The following ARMC2 variants were observed in gnomAD, a reference collection of about 807,000 sequenced individuals.
The protein encoded by ARMC2 is armadillo repeat-containing protein 2.
In ARMC2, 67 loss-of-function variants were observed where a neutral mutation model predicts 90.3. The ratio of observed to expected loss-of-function variants is 0.74; its 90% CI spans 0.61 to 0.91. ARMC2 has a LOEUF of 0.91. ARMC2 is among the 40% of genes least tolerant of loss of function. The probability of loss-of-function intolerance (pLI) is 0.00; values close to 1 mark genes in which losing one functional copy is unlikely to be tolerated. For missense variants in ARMC2, 920 were observed against 1,030.9 expected (o/e 0.89, Z 1.47); for synonymous variants, 393 against 393.0 (o/e 1.00, Z 0.00).
intron 5 of ARMC2, among the ~76,000 whole-genome samples, chr6:108,890,749 C>G (rs1770930022): frequency 6.6e-6 from 1 of 152,056 alleles, no homozygotes; most frequent in African/African-American, 2.4e-5. Flanking sequence ...TTTTTTATTT[C>G]TAACATTATT....
chr6:108,909,990 C>T (rs930286580), intron 8 of ARMC2, among the ~76,000 whole-genome samples: 2 of 151,930 alleles, frequency 1.3e-5, no homozygotes, highest in Non-Finnish European at 2.9e-5. Context: ...AACTTTCCCC[C>T]TTTCTTTTCT....
At chr6:109,034,607 T>C in the ARMC2 span, among the ~76,000 whole-genome samples, 2 of 152,212 alleles carry the variant, frequency 1.3e-5, no homozygotes, top group Admixed American at 6.5e-5. Context: ...ATGAAGACCA[T>C]ATTATCCAGC....
the ARMC2 span, among the ~76,000 whole-genome samples, chr6:109,045,557 C>CT: frequency 1.3e-5 from 2 of 152,186 alleles, no homozygotes. Flanking sequence ...TGGTTCTGTA[C>CT]TTTTGCACAT....
At chr6:108,995,652 A>C in the ARMC2 span, among the ~76,000 whole-genome samples, 2 of 152,196 alleles carry the variant, frequency 1.3e-5, no homozygotes, top group African/African-American at 4.8e-5. Context: ...CTAGTGGCTC[A>C]TGCCTGTAAT....
chr6:108,922,820 C>T (rs1473465659), intron 10 of ARMC2, among the ~76,000 whole-genome samples: 6 of 152,134 alleles, frequency 3.9e-5, no homozygotes, highest in African/African-American at 7.2e-5. Flanking sequence ...AAAGTGAGCA[C>T]CAGAAAGTTG....
At chr6:108,885,588 C>A (rs9384692) in intron 5 of ARMC2, among the ~76,000 whole-genome samples, 1 of 151,590 alleles carries the variant, frequency 6.6e-6, no homozygotes, top group Admixed American at 6.6e-5. Context: ...GCAGGAGAAT[C>A]GCTTGAACCC....
At chr6:108,935,858 G>T (rs72933394) in intron 11 of ARMC2, among the ~76,000 whole-genome samples, 3 of 151,152 alleles carry the variant, frequency 2.0e-5, no homozygotes, top group African/African-American at 2.5e-5. Flanking sequence ...CCAAAAAAAA[G>T]GTTTTTTTAA....
chr6:108,852,241 C>T (rs1157895015), intron 1 of ARMC2, among the ~76,000 whole-genome samples: 1 of 152,142 alleles, frequency 6.6e-6, no homozygotes, highest in Non-Finnish European at 1.5e-5. Flanking sequence ...TCTTCTAAGT[C>T]AGTTCACATG....
At chr6:108,935,866 T>A (rs927884066) in intron 11 of ARMC2, among the ~76,000 whole-genome samples, 6 of 152,228 alleles carry the variant, frequency 3.9e-5, no homozygotes, top group African/African-American at 9.6e-5. Flanking sequence ...AAGGTTTTTT[T>A]AAATTTATTT....
intron 3 of ARMC2, 149 bp from the exon 4 acceptor site, chr6:108,868,675 G>A (rs1776078288): frequency 3.0e-6 from 2 of 659,338 alleles, no homozygotes; most frequent in Admixed American, 5.9e-5. Context: ...TATGTAAGAT[G>A]GGCCAGTGAG....
the ARMC2 span, among the ~76,000 whole-genome samples, chr6:108,984,540 T>C: frequency 0.1 from 15,330 of 152,132 alleles, 913 homozygotes; most frequent in Middle Eastern, 0.19. Flanking sequence ...TTTTTTAATA[T>C]CACCACATTG....
At chr6:108,968,189 A>G (rs971731886) in intron 17 of ARMC2, among the ~76,000 whole-genome samples, 1 of 152,222 alleles carries the variant, frequency 6.6e-6, no homozygotes, top group Non-Finnish European at 1.5e-5. Context: ...ATATCCTTTT[A>G]AAAGCATGTT....
chr6:108,932,858 A>C (rs1282728390), intron 11 of ARMC2, among the ~76,000 whole-genome samples: 2 of 152,034 alleles, frequency 1.3e-5, no homozygotes, highest in Non-Finnish European at 2.9e-5. Flanking sequence ...GCTTTGTTGA[A>C]GATCATGTGG....
intron 4 of ARMC2, among the ~76,000 whole-genome samples, chr6:108,874,230 T>G (rs905441380): frequency 6.6e-6 from 1 of 152,148 alleles, no homozygotes; most frequent in African/African-American, 2.4e-5. Context: ...ACAAGCTTAC[T>G]CCAGTAGATT....
chr6:108,916,725 A>G (rs1187240649), intron 10 of ARMC2, among the ~76,000 whole-genome samples: 2 of 152,312 alleles, frequency 1.3e-5, no homozygotes, highest in East Asian at 3.9e-4. Context: ...AGAATGGATT[A>G]TCATGAGGTG....
the ARMC2 span, among the ~76,000 whole-genome samples, chr6:108,997,079 C>T: frequency 6.6e-6 from 1 of 152,072 alleles, no homozygotes. Context: ...ATCTGAAGAG[C>T]TGAGTCAGAT....
intron 8 of ARMC2, among the ~76,000 whole-genome samples, chr6:108,909,245 C>T (rs2754824): frequency 0.97 from 147,923 of 152,276 alleles, 71,988 homozygotes; most frequent in Non-Finnish European, 1. Flanking sequence ...CAGTAGGTTA[C>T]AAATGTTTCC....
intron 5 of ARMC2, among the ~76,000 whole-genome samples, chr6:108,886,907 G>GT (rs756169770): frequency 0.17 from 24,326 of 144,582 alleles, 2,384 homozygotes; most frequent in South Asian, 0.23. Flanking sequence ...TGTTTGTTTT[G>GT]TTTTTTTTTT....
intron 4 of ARMC2, among the ~76,000 whole-genome samples, chr6:108,871,458 C>T (rs1449784579): frequency 6.6e-6 from 1 of 151,790 alleles, no homozygotes; most frequent in African/African-American, 2.4e-5. Flanking sequence ...AAAGGGTTTG[C>T]CAAGATGAGA....
Sources: allele counts gnomAD v4.1 joint callset (sites outside exome capture counted in the v4.1 genomes callset), GRCh38; gene constraint gnomAD v4.1.1; transcripts MANE v1.5; gene names NCBI Gene and HGNC (gene_info 2026-07-23, HGNC 2026-07-21).